The following AMOTL2 variants were observed in gnomAD, a reference collection of about 807,000 sequenced individuals.
AMOTL2 encodes the protein angiomotin-like protein 2.
In AMOTL2, 33 loss-of-function variants were observed where a neutral mutation model predicts 78.4. That is an observed-to-expected ratio of 0.42 (90% CI 0.32 to 0.56). AMOTL2 has a LOEUF of 0.56. Among genes scored for constraint, AMOTL2 ranks in the 20% least tolerant of loss-of-function variants. AMOTL2 has a pLI of 0.12. For missense variants in AMOTL2, 983 were observed against 1,030.1 expected (o/e 0.95, Z 0.63); for synonymous variants, 422 against 428.8 (o/e 0.98, Z 0.20).
At chr3:134,367,905 GTTAA>G (rs750298424) in intron 2 of AMOTL2, 102 bp from the exon 3 acceptor site, 5 of 886,742 alleles carry the variant, frequency 5.6e-6, no homozygotes, top group Non-Finnish European at 8.6e-6. Flanking sequence ...TGGGAAGATG[GTTAA>G]TTATTATCAA....
At chr3:134,358,401 C>T in intron 9 of AMOTL2, 139 bp downstream of exon 9, 3 of 1,071,598 alleles carry the variant, frequency 2.8e-6, no homozygotes, top group Non-Finnish European at 3.9e-6. Context: ...CCCTGCTCAC[C>T]TCTGGCTATG....
intron 5 of AMOTL2, among the ~76,000 whole-genome samples, chr3:134,365,289 A>C (rs1427183067): frequency 6.6e-6 from 1 of 152,174 alleles, no homozygotes; most frequent in African/African-American, 2.4e-5. Context: ...GGATGCTTAG[A>C]CCGCCCCGTT....
At chr3:134,365,726 AG>A (rs1271310225) in intron 5 of AMOTL2, 90 bp downstream of exon 5, 4 of 1,205,296 alleles carry the variant, frequency 3.3e-6, no homozygotes, top group Non-Finnish European at 4.7e-6. Flanking sequence ...CTACTTTGCA[AG>A]GGGGAAGGCC....
upstream of AMOTL2, chr3:134,375,013 T>C (rs1044826401): frequency 2.1e-6 from 3 of 1,437,866 alleles, no homozygotes; most frequent in Non-Finnish European, 2.7e-6. Flanking sequence ...TGCCCCGGGC[T>C]AAGTGAATGC....
chr3:134,375,281 C>T (rs1318665930), upstream of AMOTL2: 4 of 1,528,028 alleles, frequency 2.6e-6, 1 homozygote, highest in Admixed American at 7.8e-5. Context: ...TGTGCCACCG[C>T]TGGCTTTTCG....
chr3:134,368,864 G>A (rs929020904), intron 2 of AMOTL2, among the ~76,000 whole-genome samples: 4 of 152,176 alleles, frequency 2.6e-5, no homozygotes, highest in African/African-American at 7.2e-5. Flanking sequence ...GAGGGAAGGA[G>A]CAAAGGGCAA....
At chr3:134,358,992 C>G (rs757943822) in intron 8 of AMOTL2, among the ~76,000 whole-genome samples, 10 of 152,132 alleles carry the variant, frequency 6.6e-5, no homozygotes, top group Non-Finnish European at 1.3e-4. Flanking sequence ...GTGGAGGGAG[C>G]TTGCATACAA....
Position 134,360,174 on chromosome 3 carries a change from G to C in AMOTL2, c.1815C>G (p.Pro605=). 1 of 1,614,092 alleles carries C rather than the reference G, an allele frequency of 6.2e-7. No individual in the cohort carries two copies. Among genetic ancestry groups the C allele is most frequent in the Non-Finnish European group, 8.5e-7 (1 of 1,179,988 alleles). The change falls in exon 7 of 10, where the codon CCC becomes CCG. Residue 605 remains proline (P), a synonymous_variant. Coordinates refer to ENST00000249883, the MANE Select transcript of AMOTL2 (RefSeq NM_016201.4). The part of the protein sequence containing the change: ...DTTLIRHSPQ[P]SPSSSFNEGL... Reference sequence around the variant, plus strand: ...CCTCATTGAAGCTGCTGCTGGGTGAGGGCTGGGGGGAATGTCGGATGAGAG... The same window carrying C: ...CCTCATTGAAGCTGCTGCTGGGTGACGGCTGGGGGGAATGTCGGATGAGAG...
chr3:134,357,663 G>A lies in AMOTL2; in HGVS notation c.*42C>T, dbSNP rs896993017. 1.0e-5 allele frequency: 16 copies of A among 1,601,910 alleles called. No individual in the cohort carries two copies. The highest frequency in any genetic ancestry group is 1.4e-5 in the Non-Finnish European group (16 of 1,168,956). ...ATGGCTGAGAGTGGCACAGGGCAGA[G>A]GAGGGGAGAGAATGGCTCAGAGTCC... On this transcript the variant is annotated 3_prime_UTR_variant, in exon 10 of 10. Coordinates refer to ENST00000249883, the MANE Select transcript of AMOTL2 (RefSeq NM_016201.4).
In AMOTL2 at chr3:134,355,634, C is replaced by A. The variant is rs1178493482; in HGVS notation, c.*2071G>T. Among the ~76,000 whole-genome samples, 5 of 152,236 alleles carry A rather than the reference C, an allele frequency of 3.3e-5. No individual in the cohort carries two copies. The highest frequency in any genetic ancestry group is 4.8e-5 in the African/African-American group (2 of 41,464). On this transcript the variant is annotated 3_prime_UTR_variant, in exon 10 of 10. Coordinates refer to ENST00000249883, the MANE Select transcript of AMOTL2 (RefSeq NM_016201.4). ...CAAAGCTGATTAGAACACAGCCCTACCTCGGGAGGCTGCCATCTGCCAGGC... is the reference window on the plus strand; with the variant it reads ...CAAAGCTGATTAGAACACAGCCCTAACTCGGGAGGCTGCCATCTGCCAGGC...
intron 8 of AMOTL2, among the ~76,000 whole-genome samples, 163 bp downstream of exon 8, chr3:134,359,120 G>A (rs746723283): frequency 1.3e-5 from 2 of 152,160 alleles, no homozygotes; most frequent in African/African-American, 4.8e-5. Context: ...AGAGCCTTGC[G>A]CTGTAGAGTC....
chr3:134,370,992 G>T lies in AMOTL2; in HGVS notation c.442C>A (p.Arg148=). ...CGCACGTGCCCATGCCTCAGCTCCCGCAGGGCCTCGTCCTGCCTCCGACTG... is the reference window on the plus strand; with the variant it reads ...CGCACGTGCCCATGCCTCAGCTCCCTCAGGGCCTCGTCCTGCCTCCGACTG... ...GGSRRQDEAL[R]ELRHGHVRSL... The change falls in exon 2 of 10, where the codon CGG becomes AGG. Residue 148 remains arginine (R), a synonymous_variant. Coordinates refer to ENST00000249883, the MANE Select transcript of AMOTL2 (RefSeq NM_016201.4). 1.2e-6 allele frequency: 2 copies of T among 1,602,896 alleles called. No homozygotes were observed. Among genetic ancestry groups the T allele is most frequent in the Non-Finnish European group, 1.7e-6 (2 of 1,174,738 alleles).
At chr3:134,374,910 T>G, upstream of AMOTL2, 1 of 1,259,954 alleles carries the variant, frequency 7.9e-7, no homozygotes. Context: ...GCTGTGTGTG[T>G]GTGTGTGTGT....
Position 134,370,714 on chromosome 3 carries a change from C to T in AMOTL2, c.720G>A (p.Gln240=). The change falls in exon 2 of 10, where the codon CAG becomes CAA. Residue 240 remains glutamine (Q), a synonymous_variant. Coordinates refer to ENST00000249883, the MANE Select transcript of AMOTL2 (RefSeq NM_016201.4). ...RYRARGSPHF[Q]HAEVRILQAQ... is the part of the protein sequence containing the mutation. ...GGGAGAGTTACCTGACTTCAGCATG[C>T]TGGAAGTGCGGGCTGCCGCGGGCAC... 5 of 1,510,168 alleles carry T rather than the reference C, an allele frequency of 3.3e-6. No homozygotes were observed. The highest frequency in any genetic ancestry group is 4.4e-6 in the Non-Finnish European group (5 of 1,129,434). The allele number at this position is 1,510,168 out of a possible 1,614,324, so 93.5% of individuals were successfully genotyped here. A position where few individuals can be genotyped will look rare whatever the true frequency, so the allele number is the denominator to read the frequency against.
upstream of AMOTL2, chr3:134,374,900 G>T: frequency 8.1e-7 from 1 of 1,237,462 alleles, no homozygotes; most frequent in African/African-American, 1.8e-5. Flanking sequence ...GGGGACTCCG[G>T]CTGTGTGTGT....
intron 4 of AMOTL2, 68 bp downstream of exon 4, chr3:134,366,215 C>T: frequency 6.4e-7 from 1 of 1,555,470 alleles, no homozygotes; most frequent in Non-Finnish European, 8.7e-7. Flanking sequence ...CCCAATTTTT[C>T]TCTAGAACAA....
chr3:134,369,289 C>T (rs185374769), intron 2 of AMOTL2, among the ~76,000 whole-genome samples: 1 of 152,302 alleles, frequency 6.6e-6, no homozygotes, highest in African/African-American at 2.4e-5. Context: ...CTTGCTCCCC[C>T]CTGCACTGGG....
Position 134,361,818 on chromosome 3 carries a change from A to AG in AMOTL2, c.1280-12_1280-11insC, listed in dbSNP as rs2017380884. 4.6e-6 allele frequency: 7 copies of AG among 1,527,876 alleles called. No homozygotes were observed. Among genetic ancestry groups the AG allele is most frequent in the Non-Finnish European group, 6.2e-6 (7 of 1,131,676 alleles). The allele number at this position is 1,527,876 out of a possible 1,614,324, so 94.6% of individuals were successfully genotyped here. A position where few individuals can be genotyped will look rare whatever the true frequency, so the allele number is the denominator to read the frequency against. ...GCTGCTGTTCGTAGCCTGTAGGGAG[A>AG]AAGAGGCTTGATCAGTGACAGTGAC... On this transcript the variant is annotated splice_polypyrimidine_tract_variant and intron_variant, in intron 5 of 9. Transcript: ENST00000249883.
At position 134,371,212 on chromosome 3, in the gene AMOTL2, G is replaced by A. The variant is rs1473808276; in HGVS notation, c.222C>T (p.Pro74=). 1 of 1,613,608 alleles carries A rather than the reference G, an allele frequency of 6.2e-7. No individual in the cohort carries two copies. The highest frequency in any genetic ancestry group is 8.5e-7 in the Non-Finnish European group (1 of 1,179,980). Residue 74 remains proline (P), a synonymous_variant, in exon 2 of 10, where the codon CCC becomes CCT. Coordinates refer to ENST00000249883, the MANE Select transcript of AMOTL2 (RefSeq NM_016201.4). ...QVLQQATRQE[P]QGQEHQGGEN... ...CACCGCCCTGGTGCTCCTGGCCCTG[G>A]GGCTCCTGCCTGGTGGCCTGCTGCA...
Sources: allele counts gnomAD v4.1 joint callset (sites outside exome capture counted in the v4.1 genomes callset), GRCh38; gene constraint gnomAD v4.1.1; transcripts MANE v1.5; gene names NCBI Gene and HGNC (gene_info 2026-07-23, HGNC 2026-07-21).